Variants in GAK observed in about 807,000 individuals in gnomAD.
GAK encodes cyclin G associated kinase.
GAK carries 79 observed loss-of-function variants against 143.9 expected under a neutral mutation model. The ratio of observed to expected loss-of-function variants is 0.55; its 90% CI spans 0.46 to 0.66. The LOEUF (loss-of-function observed/expected upper bound fraction) is 0.66. Among genes scored for constraint, GAK ranks in the 30% least tolerant of loss-of-function variants. The pLI, the probability that GAK is intolerant of heterozygous loss-of-function variation, is 0.00. For missense variants in GAK, 1,693 were observed against 1,779.7 expected, an observed-to-expected ratio of 0.95 and a Z score of 0.88; for synonymous variants, 881 against 765.5, an observed-to-expected ratio of 1.15 and a Z score of -2.49.
At position 867,324 on chromosome 4, in the gene GAK, G is replaced by C; in HGVS notation, c.2504C>G (p.Pro835Arg). ...GGGTTCCTGGCCCTCGCTGGAGATC[G>C]GGGATCCCCCTTCATCTGACACCTC... ...ESEVSDEGGS[P>R]ISSEGQEPRA... Residue 835 changes from proline to arginine, a missense_variant, in exon 21 of 28, where the codon CCG becomes CGG. Coordinates refer to ENST00000314167, the MANE Select transcript of GAK (RefSeq NM_005255.4). 1 of 1,610,734 alleles carries C rather than the reference G, an allele frequency of 6.2e-7. No homozygotes were observed. The highest frequency in any genetic ancestry group is 8.5e-7 in the Non-Finnish European group (1 of 1,178,138).
chr4:931,130 A>T (rs1194804045), intron 1 of GAK, among the ~76,000 whole-genome samples: 1 of 152,262 alleles, frequency 6.6e-6, no homozygotes, highest in African/African-American at 2.4e-5. Context: ...AAAATCCACA[A>T]GAGAGAATGG....
In GAK at chr4:859,719, G is replaced by A. The variant is rs768416426; in HGVS notation, c.3170C>T (p.Pro1057Leu). Residue 1057 changes from proline (P) to leucine (L), a missense_variant, in exon 24 of 28, where the codon CCC becomes CTC. Transcript: ENST00000314167. ...CGGCTGACCTCCAGGAGAGAAGAGG[G>A]GGCCTGGAGAAGGGGCACAGGGCAT... ...AVAPTPATEG[P>L]LFSPGGQPAP... 1 of 1,587,104 alleles carries A rather than the reference G, an allele frequency of 6.3e-7. No homozygotes were observed. Among genetic ancestry groups the A allele is most frequent in the South Asian group, 1.1e-5 (1 of 90,260 alleles).
chr4:855,202 C>G (rs1367356657), intron 24 of GAK, among the ~76,000 whole-genome samples: 1 of 152,154 alleles, frequency 6.6e-6, no homozygotes, highest in Non-Finnish European at 1.5e-5. Flanking sequence ...TCGGGAGCCT[C>G]CAGGCCGTGA....
chr4:884,119 C>T (rs958436899), intron 11 of GAK, 33 bp from the exon 12 acceptor site: 1 of 1,592,568 alleles, frequency 6.3e-7, no homozygotes, highest in South Asian at 1.1e-5. Context: ...TTGGTTATGA[C>T]AAGAAACACT....
chr4:849,307 C>T lies in GAK; in HGVS notation c.*366G>A. 1 of 274,512 alleles carries T rather than the reference C, an allele frequency of 3.6e-6. No homozygotes were observed. The highest frequency in any genetic ancestry group is 5.6e-5 in the South Asian group (1 of 17,800). 17.0% of individuals were successfully genotyped at this position (274,512 alleles called of 1,614,324 possible). A position where few individuals can be genotyped will look rare whatever the true frequency, so the allele number is the denominator to read the frequency against. ...GGAAAATAGTTTAATTCTGTACAGACAACCACGGGACTGATTACAAAGTGC... is the reference window on the plus strand; with the variant it reads ...GGAAAATAGTTTAATTCTGTACAGATAACCACGGGACTGATTACAAAGTGC... On this transcript the variant is annotated 3_prime_UTR_variant, in exon 28 of 28. Coordinates refer to ENST00000314167, the MANE Select transcript of GAK (RefSeq NM_005255.4).
chr4:877,503 AC>A, intron 16 of GAK, 111 bp downstream of exon 16: 1 of 1,141,538 alleles, frequency 8.8e-7, no homozygotes, highest in Non-Finnish European at 1.2e-6. Flanking sequence ...ACAGTTCCAA[AC>A]ACGTCCGCCT....
At chr4:877,881 G>T (rs889139450) in intron 15 of GAK, 72 bp from the exon 16 acceptor site, 2 of 1,381,796 alleles carry the variant, frequency 1.4e-6, no homozygotes, top group African/African-American at 1.5e-5. Context: ...TTTGTCTTTC[G>T]AATAGAAGTT....
intron 5 of GAK, among the ~76,000 whole-genome samples, chr4:902,161 C>G (rs1294270266): frequency 6.6e-6 from 1 of 151,414 alleles, no homozygotes; most frequent in Non-Finnish European, 1.5e-5. Context: ...TCGCTGGAAC[C>G]CAGGAGGCAG....
chr4:915,024 CCA>C lies in GAK; in HGVS notation c.146-1358_146-1357del, dbSNP rs769596950. The stretch of plus-strand genomic sequence containing the variant: ...CACACAGCCCCAGCGCACACGGCCC[CCA>C]ACACACACAGCCCCAGCGCACACGG... On this transcript the variant is annotated intron_variant, in intron 1 of 27. Transcript: ENST00000314167. Among the ~76,000 whole-genome samples, 1,298 of 136,778 alleles carry C rather than the reference CCA, an allele frequency of 9.5e-3. 49 individuals carry two copies. Among genetic ancestry groups the C allele is most frequent in the South Asian group, 0.025 (97 of 3,832 alleles). The allele number at this position is 136,778 out of a possible 152,430, so 89.7% of individuals were successfully genotyped here.
In GAK at chr4:866,446, C is replaced by T. The variant is rs150182601; in HGVS notation, c.2961G>A (p.Ser987=). 2.7e-4 allele frequency: 436 copies of T among 1,614,110 alleles called. 1 individual carries two copies. In the African/African-American group the frequency reaches 5.2e-3, roughly 19 times the overall value. ...NPDLFGEFLN[S]DSVTVPPSFP... ...AGGATGGTGGGACGGTCACAGAGTCCGAATTGAGAAATTCGCCGAAGAGAT... is the reference window on the plus strand; with the variant it reads ...AGGATGGTGGGACGGTCACAGAGTCTGAATTGAGAAATTCGCCGAAGAGAT... The change falls in exon 22 of 28, where the codon TCG becomes TCA. Residue 987 remains serine (S), a synonymous_variant. Transcript: ENST00000314167.
At chr4:915,480 A>G (rs1577303340) in intron 1 of GAK, 1 of 153,160 alleles carries the variant, frequency 6.5e-6, no homozygotes, top group African/African-American at 2.4e-5. Context: ...AGGAAAAGAC[A>G]TAAAAGAGAA....
chr4:859,136 G>C, intron 24 of GAK: 1 of 981,950 alleles, frequency 1.0e-6, no homozygotes, highest in Non-Finnish European at 1.2e-6. Context: ...GCCCGGGGCC[G>C]GGCCTGAGGC....
intron 18 of GAK, among the ~76,000 whole-genome samples, chr4:873,917 G>A (rs1038270811): frequency 1.3e-5 from 2 of 152,098 alleles, no homozygotes; most frequent in African/African-American, 4.8e-5. Flanking sequence ...GCAGGGCGTC[G>A]GTCTACCAGC....
intron 1 of GAK, among the ~76,000 whole-genome samples, chr4:920,863 G>A (rs944193540): frequency 1.3e-5 from 2 of 152,098 alleles, no homozygotes; most frequent in Non-Finnish European, 2.9e-5. Flanking sequence ...TTTGTTAAAA[G>A]GTTAACGTTT....
At chr4:896,194 C>T (rs746531704) in intron 7 of GAK, among the ~76,000 whole-genome samples, 2 of 152,112 alleles carry the variant, frequency 1.3e-5, no homozygotes, top group South Asian at 2.1e-4. Flanking sequence ...AGCCCAGGGG[C>T]GGGAGGCTGC....
At position 849,446 on chromosome 4, in the gene GAK, G is replaced by C; in HGVS notation, c.*227C>G. 1 of 568,054 alleles carries C rather than the reference G, an allele frequency of 1.8e-6. No homozygotes were observed. The highest frequency in any genetic ancestry group is 2.8e-5 in the East Asian group (1 of 35,088). 35.2% of individuals were successfully genotyped at this position (568,054 alleles called of 1,614,324 possible). A position where few individuals can be genotyped will look rare whatever the true frequency, so the allele number is the denominator to read the frequency against. On this transcript the variant is annotated 3_prime_UTR_variant, in exon 28 of 28. Transcript: ENST00000314167. Reference sequence around the variant, plus strand: ...CACAGACGTGACAATTGCGGGAGGAGCATGAATCAGCTGTTCCTTCGGGAG... The same window carrying C: ...CACAGACGTGACAATTGCGGGAGGACCATGAATCAGCTGTTCCTTCGGGAG...
intron 6 of GAK, 69 bp from the exon 7 acceptor site, chr4:896,618 T>C: frequency 8.4e-7 from 1 of 1,190,220 alleles, no homozygotes; most frequent in Non-Finnish European, 1.2e-6. Flanking sequence ...GTTGCACCAC[T>C]TCCGTGCAGC....
rs1747728254 is a variant in GAK at position 849,762 on chromosome 4, G to A, written c.3847C>T (p.Pro1283Ser). 6.2e-7 allele frequency: 1 copy of A among 1,612,726 alleles called. No homozygotes were observed. Among genetic ancestry groups the A allele is most frequent in the Non-Finnish European group, 8.5e-7 (1 of 1,179,372 alleles). Residue 1283 changes from proline (P) to serine (S), a missense_variant, in exon 28 of 28, where the codon CCG becomes TCG. By Grantham distance (74) the Pro-to-Ser change is moderately conservative. Transcript: ENST00000314167. ...AVHPDKAAGQ[P>S]YEQHAKMIFM... ...ATCATCTTGGCGTGCTGCTCGTACG[G>A]CTGCCCCGCAGCCTATGGGTGACAG...
At position 932,052 on chromosome 4, in the gene GAK, G is replaced by C. The variant is rs930355544; in HGVS notation, c.136C>G (p.Leu46Val). ...GELRLRVRRV[L>V]AEGGFAFVYE... Reference sequence around the variant, plus strand: ...CGACCCGGGGCCTCACCTTCGGCCAGGACCCGCCGCACCCGCAGCCGCAGC... The same window carrying C: ...CGACCCGGGGCCTCACCTTCGGCCACGACCCGCCGCACCCGCAGCCGCAGC... Residue 46 changes from leucine (L) to valine (V), a missense_variant, in exon 1 of 28, where the codon CTG becomes GTG. Leu to Val is a conservative substitution (Grantham distance 32, BLOSUM62 1). Coordinates refer to ENST00000314167, the MANE Select transcript of GAK (RefSeq NM_005255.4). The surrounding 1 kb of genome is among the most constrained non-coding windows in gnomAD (Gnocchi z 4.0). 6.3e-7 allele frequency: 1 copy of C among 1,585,842 alleles called. No individual in the cohort carries two copies.
Sources: gnomAD v4.1 joint callset for allele counts (sites outside exome capture counted in the v4.1 genomes callset) on GRCh38, gnomAD v4.1.1 for gene constraint, Gnocchi (gnomAD v3.1) non-coding constraint, MANE v1.5 for transcripts, NCBI Gene and HGNC (gene_info 2026-07-23, HGNC 2026-07-21) for gene names.